The following USP48 variants were observed in gnomAD, a reference collection of about 807,000 sequenced individuals.
USP48 encodes ubiquitin specific peptidase 48, also known as ubiquitin carboxyl-terminal hydrolase 48.
USP48 carries 43 observed loss-of-function variants against 150.7 expected under a neutral mutation model. The observed-to-expected ratio is 0.29, with a 90% CI of 0.22 to 0.37. The LOEUF (loss-of-function observed/expected upper bound fraction) is 0.37. Ranked by LOEUF, USP48 falls within the 10% of genes least tolerant of loss-of-function variation. USP48 has a pLI of 1.00. For synonymous variants in USP48, 396 were observed against 425.9 expected (o/e 0.93, Z 0.86); for missense variants, 813 against 1,249.6 (o/e 0.65, Z 5.27).
In USP48 at chr1:21,751,911, G is replaced by A. The variant is rs181426770; in HGVS notation, c.666-296C>T. Reference sequence around the variant, plus strand: ...CGCGTTCCTGTAATCTCAGCTACTCGGGAGGCTGAGGCAGGAGAATCGCTT... The same window carrying A: ...CGCGTTCCTGTAATCTCAGCTACTCAGGAGGCTGAGGCAGGAGAATCGCTT... On this transcript the variant is annotated intron_variant, in intron 5 of 26. Transcript: ENST00000308271. Among the ~76,000 whole-genome samples the A allele has an allele frequency of 1.2e-4, 18 of 151,626 alleles. 1 individual carries two copies. The highest frequency in any genetic ancestry group is 8.3e-4 in the South Asian group (4 of 4,798).
chr1:21,719,993 A>G (rs1261266260), intron 14 of USP48, among the ~76,000 whole-genome samples: 1 of 152,260 alleles, frequency 6.6e-6, no homozygotes, highest in Non-Finnish European at 1.5e-5. Flanking sequence ...AAGGTCAAGA[A>G]CATTAAAGTA....
intron 14 of USP48, among the ~76,000 whole-genome samples, chr1:21,716,421 A>C (rs531229223): frequency 1.3e-5 from 2 of 152,338 alleles, no homozygotes; most frequent in African/African-American, 4.8e-5. Context: ...GGCAGGATGA[A>C]GCAGGAGGGT....
chr1:21,752,962 T>C, intron 4 of USP48, 30 bp downstream of exon 4: 3 of 1,553,844 alleles, frequency 1.9e-6, no homozygotes, highest in Non-Finnish European at 2.6e-6. Flanking sequence ...CCTCTGAATA[T>C]TTAAAAAAAA....
intron 1 of USP48, among the ~76,000 whole-genome samples, chr1:21,780,579 G>A (rs1432122937): frequency 6.6e-6 from 1 of 151,894 alleles, no homozygotes; most frequent in Non-Finnish European, 1.5e-5. Flanking sequence ...ATGAAATGAA[G>A]TGCTGAAACA....
chr1:21,723,174 A>G (rs6426724), intron 12 of USP48, among the ~76,000 whole-genome samples: 90,486 of 151,904 alleles, frequency 0.6, 27,950 homozygotes, highest in Admixed American at 0.72. Context: ...AGAATCAAGT[A>G]GCTTCCATTC....
Position 21,771,387 on chromosome 1 carries a change from T to A in USP48, c.134+11437A>T, listed in dbSNP as rs1240918357. Among the ~76,000 whole-genome samples, 3 of 148,856 alleles carry A rather than the reference T, an allele frequency of 2.0e-5. No homozygotes were observed. In the East Asian group the frequency reaches 5.9e-4, roughly 29 times the overall value. On this transcript the variant is annotated intron_variant, in intron 1 of 26. Coordinates refer to ENST00000308271, the MANE Select transcript of USP48 (RefSeq NM_032236.8). ...AGACTCCATCTCAAAAAAAAATAAATTATTATTAATTATTAATAAATTATA... is the reference window on the plus strand; with the variant it reads ...AGACTCCATCTCAAAAAAAAATAAAATATTATTAATTATTAATAAATTATA...
chr1:21,771,871 T>C (rs773883775), intron 1 of USP48, among the ~76,000 whole-genome samples: 2 of 151,598 alleles, frequency 1.3e-5, no homozygotes, highest in East Asian at 1.9e-4. Context: ...TGAGCCGAGA[T>C]TGCGCCATTG....
At chr1:21,719,576 C>A (rs941575984) in intron 14 of USP48, among the ~76,000 whole-genome samples, 3 of 152,146 alleles carry the variant, frequency 2.0e-5, no homozygotes, top group Non-Finnish European at 4.4e-5. Flanking sequence ...CATAGTGAGG[C>A]CTTATCTCTA....
At chr1:21,704,563 T>C in intron 19 of USP48, 171 bp from the exon 20 acceptor site, 1 of 675,080 alleles carries the variant, frequency 1.5e-6, no homozygotes, top group Non-Finnish European at 2.2e-6. Flanking sequence ...CAAAGGAATG[T>C]TACCACAGCA....
In USP48 at chr1:21,752,584, G is replaced by C; in HGVS notation, c.608C>G (p.Pro203Arg). 6.2e-7 allele frequency: 1 copy of C among 1,613,344 alleles called. No individual in the cohort carries two copies. Among genetic ancestry groups the C allele is most frequent in the Non-Finnish European group, 8.5e-7 (1 of 1,179,814 alleles). The change falls in exon 5 of 27, where the codon CCA (proline) becomes CGA (arginine). Residue 203 changes from proline (P) to arginine (R), a missense_variant. Pro to Arg is a moderately radical substitution (Grantham distance 103). Transcript: ENST00000308271. ...CTGTTGAACAATATTGCGCACATCT[G>C]GATTCTTTTGTTTAGACAAAGTATC... is the stretch of plus-strand genomic sequence containing the variant. ...LEDTLSKQKN[P>R]DVRNIVQQQF...
intron 8 of USP48, among the ~76,000 whole-genome samples, chr1:21,740,757 G>A (rs1261916662): frequency 6.6e-6 from 1 of 152,176 alleles, no homozygotes; most frequent in African/African-American, 2.4e-5. Context: ...AAAATTTTAA[G>A]TATGTTTAAA....
At chr1:21,715,159 A>G in intron 15 of USP48, 2 of 458,378 alleles carry the variant, frequency 4.4e-6, no homozygotes, top group Non-Finnish European at 8.0e-6. Flanking sequence ...TTGGACAATG[A>G]CAGTCATGGG....
At chr1:21,691,938 C>G (rs916453540) in intron 23 of USP48, among the ~76,000 whole-genome samples, 4 of 152,110 alleles carry the variant, frequency 2.6e-5, no homozygotes, top group Non-Finnish European at 5.9e-5. Flanking sequence ...ATGGGAAAAC[C>G]ATTCTGCCCT....
At chr1:21,716,740 C>G (rs1243047547) in intron 14 of USP48, among the ~76,000 whole-genome samples, 1 of 152,142 alleles carries the variant, frequency 6.6e-6, no homozygotes, top group African/African-American at 2.4e-5. Context: ...AAATCATTAT[C>G]CATGGGGGCC....
chr1:21,723,112 A>T (rs1339385195), intron 12 of USP48, among the ~76,000 whole-genome samples: 1 of 152,218 alleles, frequency 6.6e-6, no homozygotes, highest in East Asian at 1.9e-4. Context: ...CAGCCAAAAC[A>T]AAATACTATG....
In USP48 at chr1:21,752,533, A is replaced by G; in HGVS notation, c.659T>C (p.Val220Ala). 1 of 1,609,590 alleles carries G rather than the reference A, an allele frequency of 6.2e-7. No homozygotes were observed. The highest frequency in any genetic ancestry group is 8.5e-7 in the Non-Finnish European group (1 of 1,179,146). The change falls in exon 5 of 27, where the codon GTA (valine) becomes GCA (alanine). Residue 220 changes from valine (V) to alanine (A), a missense_variant. Coordinates refer to ENST00000308271, the MANE Select transcript of USP48 (RefSeq NM_032236.8). ...AAAGTTGAAACAGACTTACACAGTTACATAGGCATATTCTCCACAGAACTG... is the reference window on the plus strand; with the variant it reads ...AAAGTTGAAACAGACTTACACAGTTGCATAGGCATATTCTCCACAGAACTG... ...QQQFCGEYAY[V>A]TVCNQCGRES...
chr1:21,690,788 C>G (rs998082663), intron 23 of USP48, among the ~76,000 whole-genome samples: 2 of 152,130 alleles, frequency 1.3e-5, no homozygotes, highest in African/African-American at 4.8e-5. Flanking sequence ...CTTAGCCTCC[C>G]GAAGTGCAGA....
chr1:21,735,065 G>C (rs2097765757), intron 9 of USP48, among the ~76,000 whole-genome samples: 1 of 152,164 alleles, frequency 6.6e-6, no homozygotes, highest in African/African-American at 2.4e-5. Flanking sequence ...AAGTTTACCT[G>C]CTAGAATTAG....
chr1:21,745,866 A>T (rs1292515129), intron 8 of USP48, among the ~76,000 whole-genome samples: 1 of 152,238 alleles, frequency 6.6e-6, no homozygotes, highest in East Asian at 1.9e-4. Context: ...TACTACATAA[A>T]GTGAACTATA....
Sources: gnomAD v4.1 joint callset for allele counts (sites outside exome capture counted in the v4.1 genomes callset) on GRCh38, gnomAD v4.1.1 for gene constraint, MANE v1.5 for transcripts, NCBI Gene and HGNC (gene_info 2026-07-23, HGNC 2026-07-21) for gene names.